Variants in MINK1 observed in about 807,000 individuals in gnomAD.
MINK1 encodes misshapen like kinase 1.
A neutral mutation model predicts 178.4 loss-of-function variants in MINK1; 46 were observed. That is an observed-to-expected ratio of 0.26 (90% CI 0.20 to 0.33). MINK1 has a LOEUF of 0.33. MINK1 is among the 10% of genes least tolerant of loss of function. MINK1 has a pLI of 1.00. For missense variants in MINK1, 1,366 were observed against 1,814.9 expected, an observed-to-expected ratio of 0.75 and a Z score of 4.49; for synonymous variants, 797 against 709.7, an observed-to-expected ratio of 1.12 and a Z score of -1.96.
intron 1 of MINK1, among the ~76,000 whole-genome samples, chr17:4,864,858 G>C (rs1049126949): frequency 6.6e-6 from 1 of 152,134 alleles, no homozygotes; most frequent in South Asian, 2.1e-4. Flanking sequence ...TTTAGAGGAG[G>C]GTACTGGAAA....
chr17:4,886,048 G>A lies in MINK1; in HGVS notation c.695-72G>A. 6.2e-7 allele frequency: 1 copy of A among 1,610,044 alleles called. No homozygotes were observed. Among genetic ancestry groups the A allele is most frequent in the Non-Finnish European group, 8.5e-7 (1 of 1,176,458 alleles). On this transcript the variant is annotated intron_variant, in intron 8 of 31. Coordinates refer to ENST00000355280, the MANE Select transcript of MINK1 (RefSeq NM_153827.5). The surrounding 1 kb of genome is among the most constrained non-coding windows in gnomAD (Gnocchi z 6.1). Reference sequence around the variant, plus strand: ...GCTGTAGGGAGGAGGTGGGTCCTGGGACCCTGCCGAGGAAGGGTCCTGTAG... The same window carrying A: ...GCTGTAGGGAGGAGGTGGGTCCTGGAACCCTGCCGAGGAAGGGTCCTGTAG...
chr17:4,890,432 G>A (rs751653636), intron 13 of MINK1, 85 bp from the exon 14 acceptor site: 1 of 1,505,316 alleles, frequency 6.6e-7, no homozygotes. Context: ...TCCTCTCTAG[G>A]CAGTTGGAGA....
At chr17:4,869,431 G>A (rs892074026) in intron 1 of MINK1, among the ~76,000 whole-genome samples, 14 of 151,502 alleles carry the variant, frequency 9.2e-5, no homozygotes, top group South Asian at 4.2e-4. Context: ...ATACCACCAC[G>A]TCCAGCTAAT....
At chr17:4,883,443 A>G (rs865857151) in intron 4 of MINK1, 11,051 of 151,436 alleles carry the variant, frequency 0.073, 439 homozygotes, top group Non-Finnish European at 0.095. Context: ...TGACCTCATG[A>G]TCCGCCCGCC....
At chr17:4,871,610 T>C (rs962146628) in intron 1 of MINK1, among the ~76,000 whole-genome samples, 4 of 152,170 alleles carry the variant, frequency 2.6e-5, no homozygotes, top group Non-Finnish European at 5.9e-5. Context: ...TACTTTTTGG[T>C]TGTTAATAAT....
Position 4,891,520 on chromosome 17 carries a change from T to C in MINK1, c.1805T>C (p.Leu602Pro). The C allele has an allele frequency of 6.2e-7, 1 of 1,612,124 alleles. No homozygotes were observed. Among genetic ancestry groups the C allele is most frequent in the Non-Finnish European group, 8.5e-7 (1 of 1,179,276 alleles). The change falls in exon 16 of 32, where the codon CTG becomes CCG. Residue 602 changes from leucine (L) to proline (P), a missense_variant. By Grantham distance (98) the Leu-to-Pro change is moderately conservative. Coordinates refer to ENST00000355280, the MANE Select transcript of MINK1 (RefSeq NM_153827.5). ...YAAPVPRSQS[L>P]QDQPTRNLAA... ...GCACCTGTACCCCGATCCCAGTCCC[T>C]GCAGGACCAGCCCACCCGAAACCTG...
In MINK1 at chr17:4,894,516, C is replaced by T. The variant is rs748820239; in HGVS notation, c.2809-9C>T. Reference sequence around the variant, plus strand: ...ACTTGTTTGCCTGACTGCTGTCCCCCTACCACAGTACCAGTCTCGTGGGCT... The same window carrying T: ...ACTTGTTTGCCTGACTGCTGTCCCCTTACCACAGTACCAGTCTCGTGGGCT... On this transcript the variant is annotated splice_polypyrimidine_tract_variant and intron_variant, in intron 23 of 31. Transcript: ENST00000355280. This position sits in a 1 kb window ranked among gnomAD's most constrained non-coding sequence, Gnocchi z 4.1. 1.3e-6 allele frequency: 2 copies of T among 1,586,954 alleles called. No individual in the cohort carries two copies. Among genetic ancestry groups the T allele is most frequent in the African/African-American group, 1.3e-5 (1 of 74,458 alleles).
rs370042103 is a variant in MINK1 at position 4,895,165 on chromosome 17, G to A, written c.3008G>A (p.Arg1003Gln). ...GTCAACGTGAATCCCACCAACACCC[G>A]GGCCCACAGTGAGACCCCTGAGATC... ...SVVNVNPTNT[R>Q]AHSETPEIRK... The change falls in exon 25 of 32, where the codon CGG becomes CAG. Residue 1003 changes from arginine to glutamine, a missense_variant. Coordinates refer to ENST00000355280, the MANE Select transcript of MINK1 (RefSeq NM_153827.5). The surrounding 1 kb of genome is among the most constrained non-coding windows in gnomAD (Gnocchi z 4.3). 10 of 1,613,946 alleles carry A rather than the reference G, an allele frequency of 6.2e-6. No individual in the cohort carries two copies. The highest frequency in any genetic ancestry group is 1.3e-5 in the African/African-American group (1 of 74,896).
intron 1 of MINK1, among the ~76,000 whole-genome samples, chr17:4,846,925 C>T (rs1358092086): frequency 6.6e-6 from 1 of 152,152 alleles, no homozygotes; most frequent in Non-Finnish European, 1.5e-5. Flanking sequence ...ATGACTCTGC[C>T]GCATTGCCCA....
At chr17:4,843,349 G>T (rs919527815) in intron 1 of MINK1, among the ~76,000 whole-genome samples, 2 of 151,956 alleles carry the variant, frequency 1.3e-5, no homozygotes, top group African/African-American at 2.4e-5. Context: ...ATGGTGGGAG[G>T]CACCTGTAAT....
chr17:4,885,420 G>A lies in MINK1; in HGVS notation c.509-63G>A, dbSNP rs1304088359. ...AGGCAAGTCCTGTGTGTGCACGCAG[G>A]GATGTGAGGCAAGGGAGCAGAGGTG... On this transcript the variant is annotated intron_variant, in intron 6 of 31. Transcript: ENST00000355280. This position sits in a 1 kb window ranked among gnomAD's most constrained non-coding sequence, Gnocchi z 5.0. The A allele has an allele frequency of 1.3e-6, 2 of 1,591,666 alleles. No individual in the cohort carries two copies. Among genetic ancestry groups the A allele is most frequent in the East Asian group, 2.2e-5 (1 of 44,710 alleles).
chr17:4,872,255 A>AG (rs1033669185), intron 1 of MINK1, among the ~76,000 whole-genome samples: 16 of 151,764 alleles, frequency 1.1e-4, no homozygotes, highest in Non-Finnish European at 2.2e-4. Context: ...ACTTGAACCC[A>AG]GGAGGTGGAG....
At chr17:4,891,889 G>A (rs1369545476) in intron 16 of MINK1, among the ~76,000 whole-genome samples, 173 bp downstream of exon 16, 1 of 152,200 alleles carries the variant, frequency 6.6e-6, no homozygotes, top group African/African-American at 2.4e-5. Flanking sequence ...GTGGAGGGGT[G>A]GCATCGATCC....
chr17:4,875,000 TAGG>T, intron 1 of MINK1: 1 of 518,550 alleles, frequency 1.9e-6, no homozygotes, highest in Middle Eastern at 3.2e-4. Context: ...CCTCTTAGAT[TAGG>T]AGTGTTCAGA....
intron 1 of MINK1, chr17:4,857,210 G>A (rs781180520): frequency 3.2e-6 from 1 of 316,896 alleles, no homozygotes; most frequent in Non-Finnish European, 6.4e-6. Context: ...CCACTGGGAT[G>A]ATGGACTTCA....
rs1350519601 is a variant in MINK1 at position 4,896,008 on chromosome 17, T to C, written c.3370T>C (p.Tyr1124His). 2 of 1,595,682 alleles carry C rather than the reference T, an allele frequency of 1.3e-6. No individual in the cohort carries two copies. Among genetic ancestry groups the C allele is most frequent in the South Asian group, 1.1e-5 (1 of 88,178 alleles). ...EGCGHYRVVK[Y>H]ERIKFLVIAL... ...CTCTTCTCTCCCGCCCCCAGTGAAA[T>C]ACGAGCGGATTAAGTTCCTGGTCAT... The change falls in exon 28 of 32, where the codon TAC (tyrosine) becomes CAC (histidine). Residue 1124 changes from tyrosine (Y) to histidine (H), a missense_variant. This residue lies in a region of MINK1 where 77 missense variants were observed against 119.5 expected (regional missense o/e 0.64). Coordinates refer to ENST00000355280, the MANE Select transcript of MINK1 (RefSeq NM_153827.5). This position sits in a 1 kb window ranked among gnomAD's most constrained non-coding sequence, Gnocchi z 4.6.
chr17:4,894,732 A>ATAG lies in MINK1; in HGVS notation c.2917+99_2917+100insTAG. 1.1e-6 allele frequency: 1 copy of ATAG among 939,058 alleles called. No individual in the cohort carries two copies. Among genetic ancestry groups the ATAG allele is most frequent in the South Asian group, 1.5e-5 (1 of 68,670 alleles). The allele number at this position is 939,058 out of a possible 1,614,324, so 58.2% of individuals were successfully genotyped here. On this transcript the variant is annotated intron_variant, in intron 24 of 31. Coordinates refer to ENST00000355280, the MANE Select transcript of MINK1 (RefSeq NM_153827.5). The surrounding 1 kb of genome is among the most constrained non-coding windows in gnomAD (Gnocchi z 4.1). ...AGACGCAGCCTCACAAAGCATAGCC[A>ATAG]CAGGACCTCTCCCTTGGGCCCTAGC...
intron 1 of MINK1, among the ~76,000 whole-genome samples, chr17:4,847,682 T>A (rs1911250172): frequency 6.6e-6 from 1 of 152,116 alleles, no homozygotes; most frequent in African/African-American, 2.4e-5. Context: ...GAAAAGTGCA[T>A]GTATGAGGTG....
At chr17:4,838,886 A>C (rs950538682) in intron 1 of MINK1, among the ~76,000 whole-genome samples, 4 of 152,016 alleles carry the variant, frequency 2.6e-5, no homozygotes, top group African/African-American at 9.7e-5. Flanking sequence ...CTACTAAGCT[A>C]TTTAACCAGA....
Sources: gnomAD v4.1 joint callset for allele counts (sites outside exome capture counted in the v4.1 genomes callset) on GRCh38, gnomAD v4.1.1 for gene constraint, gnomAD v4.1.1 regional missense constraint, Gnocchi (gnomAD v3.1) non-coding constraint, MANE v1.5 for transcripts, NCBI Gene and HGNC (gene_info 2026-07-23, HGNC 2026-07-21) for gene names.